The following ARHGEF26 variants were observed in gnomAD, a reference collection of about 807,000 sequenced individuals.
The protein encoded by ARHGEF26 is Rho guanine nucleotide exchange factor 26.
Under a neutral mutation model 89.4 loss-of-function variants are expected in ARHGEF26, and 59 were observed. The observed-to-expected ratio is 0.66, with a 90% CI of 0.54 to 0.82. The LOEUF is 0.82. Ranked by LOEUF, ARHGEF26 falls within the 40% of genes least tolerant of loss-of-function variation. ARHGEF26 has a pLI of 0.00. For missense variants in ARHGEF26, 1,234 were observed against 1,085.6 expected (o/e 1.14, Z -1.92); for synonymous variants, 500 against 428.4 (o/e 1.17, Z -2.06).
chr3:154,192,596 T>C (rs963547898), intron 8 of ARHGEF26, among the ~76,000 whole-genome samples: 1 of 152,246 alleles, frequency 6.6e-6, no homozygotes, highest in Non-Finnish European at 1.5e-5. Context: ...ACATTTCACT[T>C]TCTGATTTTT....
intron 11 of ARHGEF26, among the ~76,000 whole-genome samples, chr3:154,235,005 G>T (rs184828582): frequency 6.6e-6 from 1 of 151,616 alleles, no homozygotes; most frequent in Non-Finnish European, 1.5e-5. Context: ...CTTGTGATCC[G>T]CCCGCCTTGG....
intron 7 of ARHGEF26, 119 bp from the exon 8 acceptor site, chr3:154,191,170 C>A: frequency 9.3e-7 from 1 of 1,077,194 alleles, no homozygotes; most frequent in Non-Finnish European, 1.3e-6. Context: ...TATTTTCATA[C>A]AGTTTAAAAT....
chr3:154,176,846 A>G (rs992184166), intron 6 of ARHGEF26, among the ~76,000 whole-genome samples: 2 of 152,170 alleles, frequency 1.3e-5, no homozygotes, highest in Admixed American at 6.5e-5. Context: ...GTTTTCCTAC[A>G]TTGCCCAGGC....
At chr3:154,155,037 T>A (rs984921055) in intron 6 of ARHGEF26, among the ~76,000 whole-genome samples, 3 of 152,036 alleles carry the variant, frequency 2.0e-5, no homozygotes, top group African/African-American at 7.2e-5. Context: ...CCACCAAGAA[T>A]AGATGAATGC....
chr3:154,146,230 G>A (rs1031614412), intron 4 of ARHGEF26, among the ~76,000 whole-genome samples: 8 of 152,196 alleles, frequency 5.3e-5, no homozygotes, highest in African/African-American at 1.9e-4. Context: ...AGGGTTAGGG[G>A]TTTCTCTGGG....
intron 6 of ARHGEF26, among the ~76,000 whole-genome samples, chr3:154,185,126 GT>G (rs1379580308): frequency 2.6e-5 from 4 of 151,950 alleles, no homozygotes; most frequent in Non-Finnish European, 1.5e-5. Flanking sequence ...GGCCTCTTTG[GT>G]TTTTTACTCA....
At chr3:154,234,786 A>C (rs898705973) in intron 11 of ARHGEF26, among the ~76,000 whole-genome samples, 3 of 151,710 alleles carry the variant, frequency 2.0e-5, no homozygotes, top group African/African-American at 7.3e-5. Context: ...TTTTTTTTGA[A>C]GCGGAGTCTC....
rs562961584 is a variant in ARHGEF26 at position 154,122,503 on chromosome 3, C to G, written c.511C>G (p.Pro171Ala). 1 of 1,613,192 alleles carries G rather than the reference C, an allele frequency of 6.2e-7. No individual in the cohort carries two copies. Among genetic ancestry groups the G allele is most frequent in the Non-Finnish European group, 8.5e-7 (1 of 1,179,832 alleles). ...DLTGLTASPV[P>A]SPTANGLAAN... Reference sequence around the variant, plus strand: ...TACTGGGTTGACTGCCAGCCCGGTGCCTTCGCCCACTGCAAATGGCCTTGC... The same window carrying G: ...TACTGGGTTGACTGCCAGCCCGGTGGCTTCGCCCACTGCAAATGGCCTTGC... Residue 171 changes from proline (P) to alanine (A), a missense_variant, in exon 2 of 15, where the codon CCT becomes GCT. By Grantham distance (27) the Pro-to-Ala change is conservative. Coordinates refer to ENST00000465093, the MANE Select transcript of ARHGEF26 (RefSeq NM_015595.4).
At chr3:154,166,175 A>G (rs1336012439) in intron 6 of ARHGEF26, among the ~76,000 whole-genome samples, 2 of 151,794 alleles carry the variant, frequency 1.3e-5, no homozygotes, top group African/African-American at 2.4e-5. Context: ...AGAATCTACT[A>G]CTCCTACTGG....
At chr3:154,218,657 C>CTA (rs918504348) in intron 10 of ARHGEF26, among the ~76,000 whole-genome samples, 7 of 152,144 alleles carry the variant, frequency 4.6e-5, no homozygotes, top group African/African-American at 1.7e-4. Context: ...ATATTTTTCC[C>CTA]TAGTAAAAGT....
chr3:154,161,033 G>C (rs1236585152), intron 6 of ARHGEF26, among the ~76,000 whole-genome samples: 2 of 151,824 alleles, frequency 1.3e-5, no homozygotes, highest in African/African-American at 4.8e-5. Flanking sequence ...AGGAAACGAA[G>C]GTATAGTGGC....
intron 6 of ARHGEF26, among the ~76,000 whole-genome samples, chr3:154,160,524 G>A (rs1711591707): frequency 6.6e-6 from 1 of 152,174 alleles, no homozygotes; most frequent in East Asian, 1.9e-4. Flanking sequence ...AAGAAAATAA[G>A]AATGAGACAA....
intron 9 of ARHGEF26, among the ~76,000 whole-genome samples, chr3:154,213,241 G>A (rs372530039): frequency 0.017 from 2,524 of 145,544 alleles, 40 homozygotes; most frequent in South Asian, 0.045. Context: ...GTGTGTGTGT[G>A]TATATATATA....
At chr3:154,240,782 A>G (rs1489798663) in intron 12 of ARHGEF26, among the ~76,000 whole-genome samples, 1 of 152,062 alleles carries the variant, frequency 6.6e-6, no homozygotes, top group Non-Finnish European at 1.5e-5. Context: ...GGATGTTGTT[A>G]TTTTTTCCCT....
chr3:154,132,769 A>G (rs933453990), intron 4 of ARHGEF26, among the ~76,000 whole-genome samples: 15 of 152,240 alleles, frequency 9.9e-5, no homozygotes, highest in African/African-American at 3.4e-4. Flanking sequence ...GGAGGTCTAT[A>G]TATATAAATA....
At position 154,241,713 on chromosome 3, in the gene ARHGEF26, G is replaced by A. The variant is rs1717491725; in HGVS notation, c.2300+1134G>A. ...TTCATAGCCATAGGGCAGGATGGAG[G>A]TCAGTGGATGGAAACTTACTGAGAG... On this transcript the variant is annotated intron_variant, in intron 12 of 14. Transcript: ENST00000465093. Among the ~76,000 whole-genome samples, 3 of 152,222 alleles carry A rather than the reference G, an allele frequency of 2.0e-5. No individual in the cohort carries two copies. In the South Asian group the frequency reaches 6.2e-4, roughly 32 times the overall value.
intron 13 of ARHGEF26, among the ~76,000 whole-genome samples, chr3:154,253,683 T>C (rs891996252): frequency 1.3e-5 from 2 of 152,234 alleles, no homozygotes; most frequent in African/African-American, 4.8e-5. Context: ...TGTGTTTCAC[T>C]ATTCTAGAGA....
At chr3:154,183,046 C>G (rs1713281519) in intron 6 of ARHGEF26, among the ~76,000 whole-genome samples, 1 of 152,214 alleles carries the variant, frequency 6.6e-6, no homozygotes, top group Non-Finnish European at 1.5e-5. Flanking sequence ...GCTGAATCAT[C>G]TTGAACCTCC....
rs1327104417 is a variant in ARHGEF26, at chr3:154,122,845, C to T, written c.853C>T (p.Leu285=). The T allele has an allele frequency of 6.2e-7, 1 of 1,612,834 alleles. No homozygotes were observed. Reference sequence around the variant, plus strand: ...CAAGGTGCGCAGCATGGTGGAGGGCCTAGGAGGACCCCTGGGTCACGCAGG... The same window carrying T: ...CAAGGTGCGCAGCATGGTGGAGGGCTTAGGAGGACCCCTGGGTCACGCAGG... ...LLKVRSMVEG[L]GGPLGHAGEE... is the part of the protein sequence containing the mutation. Residue 285 remains leucine (L), a synonymous_variant, in exon 2 of 15, where the codon CTA becomes TTA. Transcript: ENST00000465093.
Sources: gnomAD v4.1 joint callset for allele counts (sites outside exome capture counted in the v4.1 genomes callset) on GRCh38, gnomAD v4.1.1 for gene constraint, MANE v1.5 for transcripts, NCBI Gene and HGNC (gene_info 2026-07-23, HGNC 2026-07-21) for gene names.